Variants in ACYP2 observed in about 807,000 individuals in gnomAD.
The protein encoded by ACYP2 is acylphosphatase 2, also known as acylphosphatase-2.
A neutral mutation model predicts 11.2 loss-of-function variants in ACYP2; 12 were observed. The ratio of observed to expected loss-of-function variants is 1.08; its 90% confidence interval spans 0.69 to 1.74. The LOEUF is 1.74. Ranked by LOEUF, ACYP2 falls within the 40% of genes most tolerant of loss-of-function variation. ACYP2 has a pLI of 0.00. For missense variants in ACYP2, 134 were observed against 101.9 expected, an observed-to-expected ratio of 1.31 and a Z score of -1.35; for synonymous variants, 43 against 32.2, an observed-to-expected ratio of 1.33 and a Z score of -1.13.
At position 54,301,498 on chromosome 2, in the gene ACYP2, A is replaced by G. The variant is rs1262926285; in HGVS notation, c.405-3190A>G. ...TCTATTGGAATGTAAGTTACTGAGG[A>G]AAGGAATTCCATTTTAAATCTCTAT... On this transcript the variant is annotated intron_variant, in intron 6 of 6. Coordinates refer to ENST00000607452, the MANE Select transcript of ACYP2 (RefSeq NM_001320586.2). 2.0e-5 allele frequency among the ~76,000 whole-genome samples: 3 copies of G among 152,214 alleles called. No individual in the cohort carries two copies. The South Asian group carries it at 6.2e-4, about 32-fold the overall frequency.
intron 4 of ACYP2, among the ~76,000 whole-genome samples, chr2:54,122,334 C>A (rs1453436349): frequency 6.6e-6 from 1 of 152,192 alleles, no homozygotes. Context: ...TCACTGACAC[C>A]TCTTTCCACA....
rs186525959 is a variant in ACYP2, at chr2:54,151,917, A to G, written c.404+13169A>G. On this transcript the variant is annotated intron_variant, in intron 6 of 6. Coordinates refer to ENST00000607452, the MANE Select transcript of ACYP2 (RefSeq NM_001320586.2). The stretch of plus-strand genomic sequence containing the variant: ...AAAAAATTAATAGACTTTCTTTTTT[A>G]GAGCAGCTTTAGGTTTGCAGAAAAA... Among the ~76,000 whole-genome samples, 318 of 152,196 alleles carry G rather than the reference A, an allele frequency of 2.1e-3. 3 individuals are homozygous for G. The highest frequency in any genetic ancestry group is 7.2e-3 in the African/African-American group (300 of 41,534).
At chr2:54,237,509 T>C (rs1686540036) in intron 6 of ACYP2, among the ~76,000 whole-genome samples, 1 of 152,172 alleles carries the variant, frequency 6.6e-6, no homozygotes, top group South Asian at 2.1e-4. Context: ...TACTTCATTA[T>C]TGAGGAGTAA....
intron 2 of ACYP2, among the ~76,000 whole-genome samples, chr2:53,994,356 A>G (rs1233767418): frequency 1.3e-5 from 2 of 149,818 alleles, no homozygotes; most frequent in Admixed American, 6.7e-5. Flanking sequence ...AAAAAAACGA[A>G]AAAAAACAAA....
chr2:54,219,122 A>G (rs1685677026), intron 6 of ACYP2, among the ~76,000 whole-genome samples: 1 of 152,204 alleles, frequency 6.6e-6, no homozygotes. Flanking sequence ...ATTTTGTAAT[A>G]AATTCCATAT....
rs1685818252 is a variant in ACYP2, at chr2:54,221,962, T to TG, written c.405-82724dup. Among the ~76,000 whole-genome samples the TG allele has an allele frequency of 2.0e-5, 3 of 152,338 alleles. No individual in the cohort carries two copies. In the South Asian group the frequency reaches 6.2e-4, roughly 32 times the overall value. The stretch of plus-strand genomic sequence containing the variant: ...CCATGGCTGGCATTTGTTAAGGGCC[T>TG]GGCCACACAAGTGTTTGGCATTCTT... On this transcript the variant is annotated intron_variant, in intron 6 of 6. Coordinates refer to ENST00000607452, the MANE Select transcript of ACYP2 (RefSeq NM_001320586.2).
chr2:54,255,691 T>G, intron 6 of ACYP2: 1 of 1,613,866 alleles, frequency 6.2e-7, no homozygotes. Flanking sequence ...CATGGCACAC[T>G]CCTCAGGCTT....
chr2:54,227,876 C>T (rs1422907616), intron 6 of ACYP2, among the ~76,000 whole-genome samples: 1 of 152,162 alleles, frequency 6.6e-6, no homozygotes. Context: ...TGAAGTCTTG[C>T]AGGAATGGAC....
chr2:53,989,778 A>G (rs756329427), intron 2 of ACYP2, among the ~76,000 whole-genome samples: 1 of 152,088 alleles, frequency 6.6e-6, no homozygotes, highest in Non-Finnish European at 1.5e-5. Flanking sequence ...TTTGGCATTG[A>G]GGCTGTGTTT....
chr2:54,254,916 A>C, intron 6 of ACYP2: 6 of 1,604,136 alleles, frequency 3.7e-6, no homozygotes, highest in Non-Finnish European at 5.1e-6. Flanking sequence ...CCAAAGGCAA[A>C]GGTTAACCAC....
At chr2:53,980,850 T>A (rs1671719346) in intron 2 of ACYP2, among the ~76,000 whole-genome samples, 1 of 152,012 alleles carries the variant, frequency 6.6e-6, no homozygotes, top group Non-Finnish European at 1.5e-5. Context: ...CTCCCTAGGC[T>A]CAGGTGATCC....
chr2:54,081,174 C>A (rs1340056517), intron 4 of ACYP2, among the ~76,000 whole-genome samples: 2 of 152,100 alleles, frequency 1.3e-5, no homozygotes, highest in African/African-American at 4.8e-5. Context: ...ACATGTGGAC[C>A]TCCTCAGTTC....
chr2:54,255,609 A>T, intron 6 of ACYP2: 1 of 1,613,024 alleles, frequency 6.2e-7, no homozygotes, highest in Non-Finnish European at 8.5e-7. Context: ...TGTTTACCTC[A>T]TCTATTGCTC....
intron 4 of ACYP2, among the ~76,000 whole-genome samples, chr2:54,113,140 G>A (rs1158454663): frequency 6.6e-6 from 1 of 151,998 alleles, no homozygotes; most frequent in Non-Finnish European, 1.5e-5. Flanking sequence ...GTCATCTCTA[G>A]ATTATTTAAA....
rs529811706 is a variant in ACYP2 at position 54,022,550 on chromosome 2, T to A, written c.63-28408T>A. 4.0e-5 allele frequency among the ~76,000 whole-genome samples: 6 copies of A among 151,552 alleles called. No individual in the cohort carries two copies. In the South Asian group the frequency reaches 1.3e-3, roughly 32 times the overall value. On this transcript the variant is annotated intron_variant, in intron 2 of 6. Coordinates refer to ENST00000607452, the MANE Select transcript of ACYP2 (RefSeq NM_001320586.2). ...GCAGGTGTCACCATGCTCAGCTAAT[T>A]TTTTTTTTAAGTAGATGTGGGGTCT...
At chr2:54,267,327 A>C in intron 6 of ACYP2, 1 of 1,549,158 alleles carries the variant, frequency 6.5e-7, no homozygotes, top group Non-Finnish European at 8.7e-7. Context: ...TGGGTGAAGA[A>C]AAGAAACAAG....
chr2:53,975,441 T>A (rs1014415879), intron 2 of ACYP2: 1 of 391,990 alleles, frequency 2.6e-6, no homozygotes, highest in Non-Finnish European at 4.5e-6. Context: ...TGCTCATTAG[T>A]GGAGACAGTA....
chr2:54,174,784 A>C (rs1200460270), intron 6 of ACYP2, among the ~76,000 whole-genome samples: 1 of 152,162 alleles, frequency 6.6e-6, no homozygotes, highest in Admixed American at 6.5e-5. Context: ...TGAGATAATC[A>C]TGTGGTTTTT....
chr2:54,097,910 TTC>T (rs1178350060), intron 4 of ACYP2, among the ~76,000 whole-genome samples: 2 of 145,776 alleles, frequency 1.4e-5, no homozygotes, highest in African/African-American at 5.1e-5. Context: ...CTTCCTTCCT[TTC>T]TTTCTTCTTT....
Sources: allele counts gnomAD v4.1 joint callset (sites outside exome capture counted in the v4.1 genomes callset), GRCh38; gene constraint gnomAD v4.1.1; transcripts MANE v1.5; gene names NCBI Gene and HGNC (gene_info 2026-07-23, HGNC 2026-07-21).